Variants in KMT2C observed in about 807,000 individuals in gnomAD.
The protein encoded by KMT2C is lysine methyltransferase 2C.
In KMT2C, 88 loss-of-function variants were observed where a neutral mutation model predicts 507.9. The ratio of observed to expected loss-of-function variants is 0.17; its 90% confidence interval spans 0.15 to 0.21. The LOEUF is 0.21. Ranked by LOEUF, KMT2C falls within the 10% of genes least tolerant of loss-of-function variation. The pLI, the probability that KMT2C is intolerant of heterozygous loss-of-function variation, is 1.00. For synonymous variants in KMT2C, 2,049 were observed against 2,080.8 expected (o/e 0.98, Z 0.42); for missense variants, 4,954 against 5,957.8 (o/e 0.83, Z 5.55).
chr7:152,398,821 T>C (rs2097553269), intron 1 of KMT2C, among the ~76,000 whole-genome samples: 1 of 152,100 alleles, frequency 6.6e-6, no homozygotes, highest in Non-Finnish European at 1.5e-5. Flanking sequence ...TTAACACACA[T>C]AATGAGTACT....
intron 23 of KMT2C, among the ~76,000 whole-genome samples, chr7:152,211,371 C>A (rs2094449880): frequency 6.6e-6 from 1 of 152,000 alleles, no homozygotes; most frequent in Non-Finnish European, 1.5e-5. Flanking sequence ...TACGTTCCAC[C>A]CAAATAGAGG....
chr7:152,343,519 T>C (rs2097020844), intron 2 of KMT2C, among the ~76,000 whole-genome samples: 1 of 130,238 alleles, frequency 7.7e-6, no homozygotes, highest in South Asian at 2.4e-4. Context: ...GTAATGGAAA[T>C]ACCAAAAAGA....
chr7:152,164,410 C>G (rs2092631007), intron 42 of KMT2C, among the ~76,000 whole-genome samples: 1 of 151,786 alleles, frequency 6.6e-6, no homozygotes, highest in African/African-American at 2.4e-5. Context: ...CTGCCTCAGC[C>G]TCCCGAGTAG....
intron 44 of KMT2C, among the ~76,000 whole-genome samples, chr7:152,157,289 C>A (rs1230811106): frequency 4.8e-5 from 7 of 145,826 alleles, no homozygotes; most frequent in Admixed American, 1.4e-4. Flanking sequence ...GATTGCACCA[C>A]TGCAATCTGG....
intron 1 of KMT2C, among the ~76,000 whole-genome samples, chr7:152,365,028 T>G (rs2097230041): frequency 1.3e-5 from 2 of 150,756 alleles, no homozygotes; most frequent in African/African-American, 4.9e-5. Flanking sequence ...AGAGAAAATA[T>G]TAAAAGCAGC....
At chr7:152,371,479 A>G (rs911895083) in intron 1 of KMT2C, among the ~76,000 whole-genome samples, 11 of 152,200 alleles carry the variant, frequency 7.2e-5, no homozygotes, top group African/African-American at 2.7e-4. Context: ...GAAACAAACA[A>G]ACTTACAAGA....
intron 1 of KMT2C, among the ~76,000 whole-genome samples, chr7:152,387,105 G>A (rs1427943831): frequency 2.0e-5 from 3 of 152,044 alleles, no homozygotes; most frequent in African/African-American, 7.2e-5. Context: ...AGACACACCA[G>A]AATAAGATAT....
At chr7:152,237,052 C>A (rs1244293942) in intron 15 of KMT2C, among the ~76,000 whole-genome samples, 12 of 152,070 alleles carry the variant, frequency 7.9e-5, no homozygotes, top group Non-Finnish European at 1.8e-4. Flanking sequence ...GTGTTCCCTG[C>A]CCCCTCACCC....
rs577965658 is a variant in KMT2C, at chr7:152,422,531, G to A, written c.161+13095C>T. 6.6e-5 allele frequency among the ~76,000 whole-genome samples: 10 copies of A among 152,100 alleles called. No homozygotes were observed. In the East Asian group the frequency reaches 1.4e-3, roughly 21 times the overall value. Reference sequence around the variant, plus strand: ...TGAAAGCAGTCACTACCAATCAACCGGGCCTCAACATGAAATTATCTGCCA... The same window carrying A: ...TGAAAGCAGTCACTACCAATCAACCAGGCCTCAACATGAAATTATCTGCCA... On this transcript the variant is annotated intron_variant, in intron 1 of 58. Coordinates refer to ENST00000262189, the MANE Select transcript of KMT2C (RefSeq NM_170606.3).
At chr7:152,393,133 C>T (rs924665639) in intron 1 of KMT2C, among the ~76,000 whole-genome samples, 2 of 152,118 alleles carry the variant, frequency 1.3e-5, no homozygotes, top group Non-Finnish European at 2.9e-5. Flanking sequence ...CACCCCAATG[C>T]TACCTCTATA....
chr7:152,329,582 A>G (rs1227159815), intron 3 of KMT2C, among the ~76,000 whole-genome samples: 1 of 151,702 alleles, frequency 6.6e-6, no homozygotes. Flanking sequence ...AAAATAAAAA[A>G]AAAAAGAAAG....
chr7:152,331,542 G>A (rs2129212574), intron 2 of KMT2C, among the ~76,000 whole-genome samples: 1 of 151,778 alleles, frequency 6.6e-6, no homozygotes, highest in East Asian at 1.9e-4. Flanking sequence ...CCCGGCAGCG[G>A]AGGCTACAGT....
At chr7:152,364,367 G>A (rs1247113125) in intron 1 of KMT2C, among the ~76,000 whole-genome samples, 1 of 152,174 alleles carries the variant, frequency 6.6e-6, no homozygotes, top group Non-Finnish European at 1.5e-5. Context: ...CAGCACTTTG[G>A]GAGGCTGAGG....
intron 42 of KMT2C, among the ~76,000 whole-genome samples, chr7:152,165,902 G>A (rs2092706934): frequency 6.6e-6 from 1 of 152,000 alleles, no homozygotes; most frequent in Non-Finnish European, 1.5e-5. Context: ...TTGGCCAGCT[G>A]GTCTCGAACT....
rs76433233 is a variant in KMT2C, at chr7:152,153,732, A to T, written c.12276+278T>A. 2.1e-4 allele frequency among the ~76,000 whole-genome samples: 16 copies of T among 75,588 alleles called. No homozygotes were observed. In the African/African-American group the frequency reaches 2.4e-3, roughly 11 times the overall value. The allele number at this position is 75,588 out of a possible 152,430, so 49.6% of individuals were successfully genotyped here. ...AACAGAAGGAGACTGTGTCTCTATT[A>T]AAAAAAAAAAAAAAAAAAGAGTTCT... On this transcript the variant is annotated intron_variant, in intron 48 of 58. Transcript: ENST00000262189.
At chr7:152,272,669 T>C (rs561667369) in intron 7 of KMT2C, among the ~76,000 whole-genome samples, 1 of 152,170 alleles carries the variant, frequency 6.6e-6, no homozygotes, top group Admixed American at 6.5e-5. Flanking sequence ...AAATTCTAGT[T>C]TGCCTTACCT....
rs143292008 is a variant in KMT2C at position 152,146,608 on chromosome 7, T to A, written c.14022A>T (p.Ile4674=). The change falls in exon 53 of 59, where the codon ATA becomes ATT. Residue 4674 remains isoleucine (I), a synonymous_variant. Transcript: ENST00000262189. ...FGLTVSAVAR[I]AESLPGVEAC... ...TGACCAAGACACTCACTGATTCCGC[T>A]ATGCGTGCCACTGCAGAGACGGTCA... 3,702 of 1,614,142 alleles carry A rather than the reference T, an allele frequency of 2.3e-3. 8 individuals are homozygous for A. The highest frequency in any genetic ancestry group is 2.3e-3 in the Non-Finnish European group (2,770 of 1,179,998).
chr7:152,313,755 A>G (rs1448290643), intron 4 of KMT2C, among the ~76,000 whole-genome samples: 1 of 152,134 alleles, frequency 6.6e-6, no homozygotes, highest in Non-Finnish European at 1.5e-5. Context: ...ATTAACTGCC[A>G]TATTATCATT....
At chr7:152,279,535 T>C (rs528713280) in intron 6 of KMT2C, among the ~76,000 whole-genome samples, 1 of 152,370 alleles carries the variant, frequency 6.6e-6, no homozygotes, top group African/African-American at 2.4e-5. Flanking sequence ...GAAATAAAGC[T>C]GACTGAAATA....
Sources: allele counts gnomAD v4.1 joint callset (sites outside exome capture counted in the v4.1 genomes callset), GRCh38; gene constraint gnomAD v4.1.1; transcripts MANE v1.5; gene names NCBI Gene and HGNC (gene_info 2026-07-23, HGNC 2026-07-21).